The following ABLIM3 variants were observed in gnomAD, a reference collection of about 807,000 sequenced individuals.
ABLIM3 encodes actin binding LIM protein family member 3.
In ABLIM3, 61 loss-of-function variants were observed where a neutral mutation model predicts 109.5. The ratio of observed to expected loss-of-function variants is 0.56; its 90% CI spans 0.45 to 0.69. The LOEUF is 0.69. Ranked by LOEUF, ABLIM3 falls within the 30% of genes least tolerant of loss-of-function variation. The pLI is 0.00. For synonymous variants in ABLIM3, 300 were observed against 324.8 expected, an observed-to-expected ratio of 0.92 and a Z score of 0.82; for missense variants, 796 against 889.5, an observed-to-expected ratio of 0.89 and a Z score of 1.34.
intron 2 of ABLIM3, among the ~76,000 whole-genome samples, chr5:149,172,731 G>C (rs1157147452): frequency 6.6e-6 from 1 of 152,142 alleles, no homozygotes; most frequent in East Asian, 1.9e-4. Flanking sequence ...CCCTTTAGGT[G>C]GCCCAGATTC....
intron 3 of ABLIM3, among the ~76,000 whole-genome samples, chr5:149,184,457 A>T (rs1201180491): frequency 6.6e-6 from 1 of 152,206 alleles, no homozygotes; most frequent in African/African-American, 2.4e-5. Context: ...TGCTCTTCAG[A>T]TACTTGTATC....
At chr5:149,254,089 C>T (rs1235631202) in intron 23 of ABLIM3, among the ~76,000 whole-genome samples, 1 of 152,084 alleles carries the variant, frequency 6.6e-6, no homozygotes, top group African/African-American at 2.4e-5. Flanking sequence ...GGGAAACTGC[C>T]CCCAAGATTC....
At chr5:149,227,286 T>C (rs1761404268) in intron 8 of ABLIM3, among the ~76,000 whole-genome samples, 1 of 152,162 alleles carries the variant, frequency 6.6e-6, no homozygotes, top group Admixed American at 6.5e-5. Context: ...AACATCTCTA[T>C]CTCTGAGTCA....
rs1554095689 is a variant in ABLIM3, at chr5:149,242,619, C to T, written c.1351+81C>T. 25 of 1,401,512 alleles carry T rather than the reference C, an allele frequency of 1.8e-5. No individual in the cohort carries two copies. In the South Asian group the frequency reaches 2.8e-4, roughly 16 times the overall value. 86.8% of individuals were successfully genotyped at this position (1,401,512 alleles called of 1,614,324 possible). A position where few individuals can be genotyped will look rare whatever the true frequency, so the allele number is the denominator to read the frequency against. On this transcript the variant is annotated intron_variant, in intron 15 of 23. Coordinates refer to ENST00000309868, the MANE Select transcript of ABLIM3 (RefSeq NM_014945.5). ...ATCTATGCAGATGGCCCTGCACAGG[C>T]CACCAGGAGCCACAAAACACAAGGC...
chr5:149,216,290 T>G (rs1246999635), intron 7 of ABLIM3, among the ~76,000 whole-genome samples: 1 of 152,204 alleles, frequency 6.6e-6, no homozygotes, highest in Non-Finnish European at 1.5e-5. Context: ...GTAAGGAAAC[T>G]TATATACGAC....
chr5:149,185,621 A>T (rs1390599309), intron 3 of ABLIM3, among the ~76,000 whole-genome samples: 1 of 152,198 alleles, frequency 6.6e-6, no homozygotes, highest in Non-Finnish European at 1.5e-5. Context: ...TTTAAGGGGA[A>T]AAAAATAGAC....
At chr5:149,206,482 A>G (rs1758984043) in intron 5 of ABLIM3, among the ~76,000 whole-genome samples, 2 of 152,220 alleles carry the variant, frequency 1.3e-5, no homozygotes, top group South Asian at 2.1e-4. Context: ...AATAGGTTTA[A>G]CCACAAAATA....
intron 2 of ABLIM3, among the ~76,000 whole-genome samples, chr5:149,164,955 C>T (rs981501957): frequency 2.6e-5 from 4 of 152,306 alleles, no homozygotes; most frequent in East Asian, 3.9e-4. Context: ...CACTGTGAAT[C>T]GAGGCTTCCA....
intron 2 of ABLIM3, among the ~76,000 whole-genome samples, chr5:149,146,781 T>A (rs1163145824): frequency 6.6e-6 from 1 of 152,218 alleles, no homozygotes; most frequent in Non-Finnish European, 1.5e-5. Context: ...TTGCTTAGGA[T>A]TGTTTTGATA....
chr5:149,184,389 T>A (rs952968312), intron 3 of ABLIM3, among the ~76,000 whole-genome samples: 1 of 152,194 alleles, frequency 6.6e-6, no homozygotes, highest in Non-Finnish European at 1.5e-5. Context: ...TTTTTGTTGA[T>A]CTTATATTTG....
At chr5:149,159,906 C>G (rs1454278021) in intron 2 of ABLIM3, among the ~76,000 whole-genome samples, 2 of 152,178 alleles carry the variant, frequency 1.3e-5, no homozygotes, top group African/African-American at 2.4e-5. Flanking sequence ...GTTTCTCCAT[C>G]TCATTTGTAC....
chr5:149,224,973 T>G (rs1031181082), intron 8 of ABLIM3, among the ~76,000 whole-genome samples: 1 of 152,166 alleles, frequency 6.6e-6, no homozygotes, highest in African/African-American at 2.4e-5. Flanking sequence ...AAAGATTTAC[T>G]AACACCCAAG....
rs893372188 is a variant in ABLIM3 at position 149,240,881 on chromosome 5, T to C, written c.1303+107T>C. The C allele has an allele frequency of 7.7e-6, 8 of 1,042,050 alleles. No homozygotes were observed. The African/African-American group carries it at 1.3e-4, about 16-fold the overall frequency. The allele number at this position is 1,042,050 out of a possible 1,614,324, so 64.6% of individuals were successfully genotyped here. Reference sequence around the variant, plus strand: ...ACACAGGCACCAAGAAGCTGGTTCCTGAGGGACCTCCCTAACCAAGCACCT... The same window carrying C: ...ACACAGGCACCAAGAAGCTGGTTCCCGAGGGACCTCCCTAACCAAGCACCT... On this transcript the variant is annotated intron_variant, in intron 14 of 23. Coordinates refer to ENST00000309868, the MANE Select transcript of ABLIM3 (RefSeq NM_014945.5).
intron 6 of ABLIM3, among the ~76,000 whole-genome samples, chr5:149,208,212 A>G (rs907942172): frequency 6.6e-6 from 1 of 152,262 alleles, no homozygotes; most frequent in African/African-American, 2.4e-5. Context: ...CAACTCAATT[A>G]AAAGCAAAAA....
chr5:149,199,189 C>G, intron 4 of ABLIM3: 2 of 452,782 alleles, frequency 4.4e-6, no homozygotes, highest in Non-Finnish European at 8.9e-6. Flanking sequence ...GAAAGCTCAG[C>G]CCTACCCACA....
intron 2 of ABLIM3, among the ~76,000 whole-genome samples, chr5:149,150,490 A>T (rs1442724842): frequency 2.0e-5 from 3 of 152,222 alleles, no homozygotes; most frequent in Non-Finnish European, 4.4e-5. Flanking sequence ...GAACAATTTT[A>T]AAATCACCCA....
intron 23 of ABLIM3, among the ~76,000 whole-genome samples, chr5:149,254,784 G>A (rs1754281422): frequency 6.6e-6 from 1 of 152,178 alleles, no homozygotes; most frequent in African/African-American, 2.4e-5. Flanking sequence ...TTTTAGGGAT[G>A]GAAACATTCT....
chr5:149,245,522 C>G (rs1753265105), intron 16 of ABLIM3, among the ~76,000 whole-genome samples: 1 of 151,540 alleles, frequency 6.6e-6, no homozygotes, highest in Non-Finnish European at 1.5e-5. Context: ...GAGGAGGTCC[C>G]CCAGGGTTTT....
chr5:149,247,665 G>A (rs1479729121), intron 17 of ABLIM3, 117 bp from the exon 18 acceptor site: 1 of 1,346,602 alleles, frequency 7.4e-7, no homozygotes, highest in Admixed American at 1.8e-5. Flanking sequence ...CGCTGGGAAG[G>A]CAAACATGAG....
Sources: gnomAD v4.1 joint callset for allele counts (sites outside exome capture counted in the v4.1 genomes callset) on GRCh38, gnomAD v4.1.1 for gene constraint, MANE v1.5 for transcripts, NCBI Gene and HGNC (gene_info 2026-07-23, HGNC 2026-07-21) for gene names.